ZNF91: variants seen among roughly 807,000 people sequenced by gnomAD.
The protein encoded by ZNF91 is zinc finger protein 91, also known as zinc finger protein 91 (HPF7, HTF10).
Under a neutral mutation model 12.6 loss-of-function variants are expected in ZNF91, and 7 were observed. That is an observed-to-expected ratio of 0.55 (90% CI 0.31 to 1.04). The LOEUF (loss-of-function observed/expected upper bound fraction) is 1.04, where lower values mean the gene tolerates loss of function less well. Among genes scored for constraint, ZNF91 ranks in the 50% least tolerant of loss-of-function variants. ZNF91 has a pLI of 0.05. For synonymous variants in ZNF91, 453 were observed against 462.6 expected, an observed-to-expected ratio of 0.98 and a Z score of 0.27; for missense variants, 1,217 against 1,385.4, an observed-to-expected ratio of 0.88 and a Z score of 1.93.
chr19:23,358,058 T>C lies in ZNF91; in HGVS notation c.*1345A>G, dbSNP rs2145043140. 1 of 152,294 alleles carries C rather than the reference T, an allele frequency of 6.6e-6. No homozygotes were observed. Among genetic ancestry groups the C allele is most frequent in the South Asian group, 2.1e-4 (1 of 4,826 alleles). 9.4% of individuals were successfully genotyped at this position (152,294 alleles called of 1,614,324 possible). On this transcript the variant is annotated 3_prime_UTR_variant, in exon 4 of 4. Coordinates refer to ENST00000300619, the MANE Select transcript of ZNF91 (RefSeq NM_003430.4). ...CACTGGCAAAAAAAATCACTAGAGA[T>C]GTCAGTCCATTATCTTACCAAATAG... is the stretch of plus-strand genomic sequence containing the variant.
Position 23,357,758 on chromosome 19 carries a change from A to C in ZNF91, c.*1645T>G, listed in dbSNP as rs1968529623. 6.6e-6 allele frequency: 1 copy of C among 152,128 alleles called. No homozygotes were observed. The highest frequency in any genetic ancestry group is 2.4e-5 in the African/African-American group (1 of 41,446). The allele number at this position is 152,128 out of a possible 1,614,324, so 9.4% of individuals were successfully genotyped here. ...TGACCATAAAAATAATCCTGTAGTC[A>C]ACAACAATTTAATTGTACATTTAAA... On this transcript the variant is annotated 3_prime_UTR_variant, in exon 4 of 4. Coordinates refer to ENST00000300619, the MANE Select transcript of ZNF91 (RefSeq NM_003430.4).
chr19:23,374,117 T>C (rs1175418952), intron 2 of ZNF91, among the ~76,000 whole-genome samples: 2 of 151,996 alleles, frequency 1.3e-5, no homozygotes, highest in African/African-American at 4.8e-5. Flanking sequence ...TTACCACTAA[T>C]CTAAAGTGAA....
chr19:23,363,542 A>T (rs976948993), intron 3 of ZNF91, among the ~76,000 whole-genome samples: 11 of 152,358 alleles, frequency 7.2e-5, no homozygotes, highest in Non-Finnish European at 1.5e-4. Flanking sequence ...TCCCATAATC[A>T]TTAGACAAGA....
rs1313960915 is a variant in ZNF91 at position 23,346,221 on chromosome 19, CTT to C, written c.254-7169_254-7168del. ...TACCTCACCCAGTGTTATGAACTAA[CTT>C]GGCATGACCTCTACATTATCCTCTC... On this transcript the variant is annotated intron_variant, in intron 3 of 3. Coordinates refer to the ZNF91 transcript ENST00000599743. Among the ~76,000 whole-genome samples the C allele has an allele frequency of 2.6e-5, 4 of 152,134 alleles. No individual in the cohort carries two copies. In the East Asian group the frequency reaches 7.7e-4, roughly 29 times the overall value.
chr19:23,389,514 A>G (rs749642491), intron 1 of ZNF91, among the ~76,000 whole-genome samples: 3 of 151,784 alleles, frequency 2.0e-5, no homozygotes, highest in Middle Eastern at 6.8e-3. Flanking sequence ...TATGTTAGTG[A>G]GTGGGTGAAA....
Position 23,395,439 on chromosome 19 carries a change from C to T in ZNF91, c.-85G>A, listed in dbSNP as rs1022404908. 4.6e-6 allele frequency: 7 copies of T among 1,531,264 alleles called. No individual in the cohort carries two copies. In the Admixed American group the frequency reaches 9.9e-5, roughly 22 times the overall value. 94.9% of individuals were successfully genotyped at this position (1,531,264 alleles called of 1,614,324 possible). ...AGCAGAGGACACAGAGCAGTGAAGT[C>T]GAGACCTGGAAACTCCGGCGGCAGC... On this transcript the variant is annotated 5_prime_UTR_variant, in exon 1 of 4. Transcript: ENST00000300619.
chr19:23,346,887 T>A (rs1453427064), intron 3 of ZNF91, among the ~76,000 whole-genome samples: 1 of 152,196 alleles, frequency 6.6e-6, no homozygotes, highest in Non-Finnish European at 1.5e-5. Context: ...TCCAACTGTA[T>A]GCTCTATTCA....
chr19:23,332,479 GT>G (rs1347622055), intron 1 of ZNF91, among the ~76,000 whole-genome samples: 1 of 151,976 alleles, frequency 6.6e-6, no homozygotes, highest in African/African-American at 2.4e-5. Flanking sequence ...AAACTGTTAA[GT>G]TTGTCTCCAG....
At chr19:23,329,048 T>G (rs1967883899) in intron 1 of ZNF91, 1 of 152,258 alleles carries the variant, frequency 6.6e-6, no homozygotes, top group Admixed American at 6.5e-5. Flanking sequence ...AATGTACTTA[T>G]GTAACTGATA....
intron 1 of ZNF91, among the ~76,000 whole-genome samples, chr19:23,329,831 C>T (rs947623405): frequency 2.0e-5 from 3 of 152,150 alleles, no homozygotes; most frequent in African/African-American, 4.8e-5. Flanking sequence ...GGCAGGCTGT[C>T]CTGTGCTTTA....
chr19:23,323,207 CCT>C (rs1023596171), intron 1 of ZNF91, among the ~76,000 whole-genome samples: 8 of 149,238 alleles, frequency 5.4e-5, no homozygotes, highest in African/African-American at 1.5e-4. Flanking sequence ...TTCTCCTCTT[CCT>C]CTTACTTTTC....
At chr19:23,321,218 G>A (rs888956410) in intron 1 of ZNF91, among the ~76,000 whole-genome samples, 2 of 152,116 alleles carry the variant, frequency 1.3e-5, no homozygotes, top group African/African-American at 4.8e-5. Context: ...CAAGTAGAAT[G>A]GTGATATACT....
chr19:23,362,628 A>T lies in ZNF91; in HGVS notation c.351T>A (p.His117Gln), dbSNP rs1158125540. Reference protein sequence around the residue: ...VLLRKYEKCGHENLQLRKGCK... With the variant: ...VLLRKYEKCGQENLQLRKGCK... ...AACCTTTTCTTAACTGTAAATTCTCATGTCCACATTTTTCATATTTTCTCA... is the reference window on the plus strand; with the variant it reads ...AACCTTTTCTTAACTGTAAATTCTCTTGTCCACATTTTTCATATTTTCTCA... The change falls in exon 4 of 4, where the codon CAT (histidine) becomes CAA (glutamine). Residue 117 changes from histidine to glutamine, a missense_variant. His to Gln is a conservative substitution (Grantham distance 24, BLOSUM62 0). Around this residue, in one of 2 missense-constraint regions of ZNF91, gnomAD observed 726 missense variants for 895.5 expected, o/e 0.81. Transcript: ENST00000300619. The T allele has an allele frequency of 2.5e-6, 4 of 1,585,646 alleles. No individual in the cohort carries two copies. Among genetic ancestry groups the T allele is most frequent in the Non-Finnish European group, 3.4e-6 (4 of 1,170,042 alleles).
chr19:23,337,211 G>GAGACTT (rs79506762), downstream of ZNF91, among the ~76,000 whole-genome samples: 106 of 152,002 alleles, frequency 7.0e-4, 1 homozygote, highest in South Asian at 0.019. Context: ...ATTGTTTTCT[G>GAGACTT]AGACTTAGAC....
At chr19:23,391,364 A>G (rs534550204) in intron 1 of ZNF91, among the ~76,000 whole-genome samples, 2 of 152,228 alleles carry the variant, frequency 1.3e-5, no homozygotes, top group Non-Finnish European at 2.9e-5. Flanking sequence ...GCCACCATAC[A>G]ACCCCATTTT....
At chr19:23,326,706 C>G (rs927176362) in intron 1 of ZNF91, 9 of 152,124 alleles carry the variant, frequency 5.9e-5, no homozygotes, top group Admixed American at 5.2e-4. Flanking sequence ...AAGCTAAGGC[C>G]TAACTATTAC....
At chr19:23,364,068 A>G (rs111616284) in intron 3 of ZNF91, among the ~76,000 whole-genome samples, 15 of 152,208 alleles carry the variant, frequency 9.9e-5, no homozygotes, top group Non-Finnish European at 2.1e-4. Flanking sequence ...CCTGTATTTT[A>G]GGCACTTTGG....
rs757253144 is a variant in ZNF91, at chr19:23,361,199, T to C, written c.1780A>G (p.Ile594Val). The stretch of plus-strand genomic sequence containing the variant: ...TAAGACTTCTCTCCAGTATGAATTA[T>C]CTTATGTGTAGAAAGACTTGAGGAA... ...NHSSSLSTHK[I>V]IHTGEKSYKC... Residue 594 changes from isoleucine (I) to valine (V), a missense_variant, in exon 4 of 4, where the codon ATA (isoleucine) becomes GTA (valine). Ile to Val is a conservative substitution (Grantham distance 29). Around this residue, in one of 2 missense-constraint regions of ZNF91, gnomAD observed 726 missense variants for 895.5 expected, o/e 0.81. Coordinates refer to ENST00000300619, the MANE Select transcript of ZNF91 (RefSeq NM_003430.4). 6.2e-7 allele frequency: 1 copy of C among 1,613,462 alleles called. No individual in the cohort carries two copies. The highest frequency in any genetic ancestry group is 1.1e-5 in the South Asian group (1 of 91,044).
intron 1 of ZNF91, chr19:23,324,102 CT>C (rs1257573418): frequency 1.3e-5 from 2 of 150,026 alleles, no homozygotes; most frequent in Non-Finnish European, 2.9e-5. Context: ...TCTTCCTTTC[CT>C]CCTTTCCTCT....
Sources: allele counts gnomAD v4.1 joint callset (sites outside exome capture counted in the v4.1 genomes callset), GRCh38; gene constraint gnomAD v4.1.1; regional missense constraint gnomAD v4.1.1; transcripts MANE v1.5; gene names NCBI Gene and HGNC (gene_info 2026-07-23, HGNC 2026-07-21).